EXOC4: variants seen among roughly 807,000 people sequenced by gnomAD.
EXOC4 encodes the protein SEC8-like 1.
Under a neutral mutation model 107.2 loss-of-function variants are expected in EXOC4, and 71 were observed. The observed-to-expected ratio is 0.66, with a 90% CI of 0.55 to 0.81. The LOEUF is 0.81. Ranked by LOEUF, EXOC4 falls within the 30% of genes least tolerant of loss-of-function variation. The pLI is 0.00. For missense variants in EXOC4, 1,108 were observed against 1,189.6 expected (o/e 0.93, Z 1.01); for synonymous variants, 456 against 441.2 (o/e 1.03, Z -0.42).
At chr7:134,003,323 CAG>C (rs1554433550) in intron 15 of EXOC4, among the ~76,000 whole-genome samples, 1 of 152,060 alleles carries the variant, frequency 6.6e-6, no homozygotes, top group Non-Finnish European at 1.5e-5. Context: ...CAGAGGGACA[CAG>C]GGAATTTTGG....
intron 9 of EXOC4, among the ~76,000 whole-genome samples, chr7:133,496,321 T>G (rs1172380852): frequency 2.0e-5 from 3 of 152,090 alleles, no homozygotes; most frequent in African/African-American, 7.2e-5. Context: ...GCATGCACCA[T>G]CACACCTGGC....
At chr7:133,456,394 A>G (rs986268021) in intron 7 of EXOC4, among the ~76,000 whole-genome samples, 8 of 152,214 alleles carry the variant, frequency 5.3e-5, no homozygotes, top group Non-Finnish European at 1.0e-4. Flanking sequence ...AGTATCAGGA[A>G]TCGTAAACTT....
intron 14 of EXOC4, among the ~76,000 whole-genome samples, chr7:133,939,524 T>C (rs1585263552): frequency 6.6e-6 from 1 of 152,210 alleles, no homozygotes; most frequent in South Asian, 2.1e-4. Context: ...CTTACGTCTT[T>C]TATTGAAAAT....
chr7:133,763,206 C>A (rs1796069030), intron 10 of EXOC4, among the ~76,000 whole-genome samples: 1 of 152,106 alleles, frequency 6.6e-6, no homozygotes, highest in African/African-American at 2.4e-5. Flanking sequence ...CTACTCCCCC[C>A]TGCCACAGCC....
chr7:133,939,202 G>A (rs1249781724), intron 14 of EXOC4, among the ~76,000 whole-genome samples: 1 of 152,158 alleles, frequency 6.6e-6, no homozygotes, highest in East Asian at 1.9e-4. Flanking sequence ...TATTTGGACT[G>A]TACATGTCAG....
chr7:133,668,500 T>G (rs1240099673), intron 10 of EXOC4, among the ~76,000 whole-genome samples: 1 of 152,232 alleles, frequency 6.6e-6, no homozygotes, highest in Non-Finnish European at 1.5e-5. Context: ...TCATCTTATA[T>G]TATCTTGATT....
At chr7:133,976,354 G>A (rs538071447) in intron 14 of EXOC4, among the ~76,000 whole-genome samples, 10 of 152,306 alleles carry the variant, frequency 6.6e-5, no homozygotes, top group South Asian at 2.1e-4. Context: ...TGAGGAAAGC[G>A]TCAGATGGCA....
chr7:133,495,777 A>G (rs563808650), intron 9 of EXOC4, among the ~76,000 whole-genome samples: 1 of 152,324 alleles, frequency 6.6e-6, no homozygotes, highest in African/African-American at 2.4e-5. Flanking sequence ...TAATTCTCCT[A>G]TGAACAGTTG....
intron 5 of EXOC4, among the ~76,000 whole-genome samples, chr7:133,343,426 A>G (rs1795711118): frequency 6.6e-6 from 1 of 151,912 alleles, no homozygotes; most frequent in African/African-American, 2.4e-5. Context: ...TCCAGTTACC[A>G]CCACCACACC....
chr7:133,597,208 C>G (rs528152893), intron 9 of EXOC4, among the ~76,000 whole-genome samples: 87 of 152,270 alleles, frequency 5.7e-4, no homozygotes, highest in African/African-American at 2.0e-3. Flanking sequence ...CTTTCCCTTT[C>G]TTACTTACAA....
chr7:133,716,442 G>A (rs1360839384), intron 10 of EXOC4, among the ~76,000 whole-genome samples: 1 of 152,206 alleles, frequency 6.6e-6, no homozygotes, highest in African/African-American at 2.4e-5. Flanking sequence ...AGAAGGATCT[G>A]TAAGAGACAT....
chr7:133,745,470 T>G (rs1264919988), intron 10 of EXOC4, among the ~76,000 whole-genome samples: 1 of 152,114 alleles, frequency 6.6e-6, no homozygotes, highest in Non-Finnish European at 1.5e-5. Context: ...GGAAGTATTT[T>G]GTACACAGTG....
At chr7:133,581,283 T>C (rs1021953901) in intron 9 of EXOC4, among the ~76,000 whole-genome samples, 5 of 152,200 alleles carry the variant, frequency 3.3e-5, no homozygotes, top group African/African-American at 9.7e-5. Context: ...CTACTGTTGT[T>C]AGGAACAGCA....
chr7:133,576,622 A>G, intron 9 of EXOC4: 2 of 1,289,818 alleles, frequency 1.6e-6, no homozygotes, highest in South Asian at 1.2e-5. Context: ...ATAACCACCT[A>G]GCTATTGCTA....
chr7:133,864,822 A>G (rs750499083), intron 11 of EXOC4, among the ~76,000 whole-genome samples: 4 of 152,212 alleles, frequency 2.6e-5, no homozygotes, highest in Non-Finnish European at 5.9e-5. Flanking sequence ...CAGATTCCTC[A>G]GAGCAGGAGT....
At chr7:133,597,226 G>A (rs2150983642) in intron 9 of EXOC4, among the ~76,000 whole-genome samples, 1 of 152,272 alleles carries the variant, frequency 6.6e-6, no homozygotes, top group Non-Finnish European at 1.5e-5. Flanking sequence ...CAAGTCAGGT[G>A]TAGTTCAGGG....
the EXOC4 span, among the ~76,000 whole-genome samples, chr7:134,086,080 C>T: frequency 6.6e-6 from 1 of 152,128 alleles, no homozygotes; most frequent in African/African-American, 2.4e-5. Flanking sequence ...GTTCCAAGAA[C>T]TTAAGAAAAT....
chr7:133,989,500 T>C (rs2116226427), intron 14 of EXOC4, among the ~76,000 whole-genome samples: 1 of 151,286 alleles, frequency 6.6e-6, no homozygotes, highest in East Asian at 1.9e-4. Flanking sequence ...AGGAAGGGGA[T>C]TCAGTGAAGG....
chr7:133,514,363 T>G (rs1355229036), intron 9 of EXOC4, among the ~76,000 whole-genome samples: 4 of 152,136 alleles, frequency 2.6e-5, no homozygotes, highest in Admixed American at 2.0e-4. Context: ...GGAGTTTCAC[T>G]GTGTTAGCCA....
Sources: gnomAD v4.1 joint callset for allele counts (sites outside exome capture counted in the v4.1 genomes callset) on GRCh38, gnomAD v4.1.1 for gene constraint, MANE v1.5 for transcripts, NCBI Gene and HGNC (gene_info 2026-07-23, HGNC 2026-07-21) for gene names.